The following RNF130 variants were observed in gnomAD, a reference collection of about 807,000 sequenced individuals.
The protein encoded by RNF130 is E3 ubiquitin-protein ligase RNF130.
In RNF130, 21 loss-of-function variants were observed where a neutral mutation model predicts 44.6. The observed-to-expected ratio is 0.47, with a 90% CI of 0.33 to 0.68. The LOEUF (loss-of-function observed/expected upper bound fraction) is 0.68, where lower values mean the gene tolerates loss of function less well. Ranked by LOEUF, RNF130 falls within the 30% of genes least tolerant of loss-of-function variation. RNF130 has a pLI of 0.02. For missense variants in RNF130, 479 were observed against 560.6 expected (o/e 0.85, Z 1.47); for synonymous variants, 214 against 210.4 (o/e 1.02, Z -0.15).
chr5:179,998,888 T>C (rs867365574), intron 3 of RNF130, among the ~76,000 whole-genome samples: 26 of 109,432 alleles, frequency 2.4e-4, no homozygotes, highest in Non-Finnish European at 3.2e-4. Context: ...TATATATGTT[T>C]TATATATCTG....
chr5:179,970,022 G>A (rs1028273981), intron 6 of RNF130, among the ~76,000 whole-genome samples: 3 of 152,106 alleles, frequency 2.0e-5, no homozygotes, highest in Non-Finnish European at 2.9e-5. Flanking sequence ...CAGGCATGGC[G>A]GTGTATGCCT....
chr5:179,930,081 G>C (rs564295215), intron 7 of RNF130, among the ~76,000 whole-genome samples: 2 of 151,848 alleles, frequency 1.3e-5, no homozygotes, highest in African/African-American at 2.4e-5. Context: ...TTTTGAGATG[G>C]AGTCTTACTC....
At chr5:179,990,199 G>T (rs969554356) in intron 3 of RNF130, among the ~76,000 whole-genome samples, 2 of 152,184 alleles carry the variant, frequency 1.3e-5, no homozygotes, top group African/African-American at 4.8e-5. Flanking sequence ...TTATTTATTG[G>T]ATACAAAGTA....
At chr5:179,985,069 C>T (rs1325438456) in intron 3 of RNF130, among the ~76,000 whole-genome samples, 2 of 151,530 alleles carry the variant, frequency 1.3e-5, no homozygotes, top group Non-Finnish European at 2.9e-5. Flanking sequence ...AAGTCATCTC[C>T]TATTAATTTA....
At chr5:180,010,012 C>T (rs1455875702) in intron 3 of RNF130, among the ~76,000 whole-genome samples, 8 of 152,076 alleles carry the variant, frequency 5.3e-5, no homozygotes. Flanking sequence ...CTTTGGGAGG[C>T]TGAGGTGGGC....
intron 1 of RNF130, among the ~76,000 whole-genome samples, chr5:180,043,318 C>A (rs922798835): frequency 1.1e-4 from 16 of 152,176 alleles, no homozygotes; most frequent in African/African-American, 3.6e-4. Context: ...GAGCAAGACT[C>A]TATCTCTAAA....
At chr5:179,937,933 T>TGTGTGTGTGAGA (rs1268947878) in intron 7 of RNF130, among the ~76,000 whole-genome samples, 13 of 116,294 alleles carry the variant, frequency 1.1e-4, no homozygotes, top group East Asian at 4.9e-4. Flanking sequence ...TGTGTGTGTG[T>TGTGTGTGTGAGA]GAGAGAGAGA....
At chr5:180,055,811 GC>G (rs996928442) in intron 1 of RNF130, among the ~76,000 whole-genome samples, 3 of 152,190 alleles carry the variant, frequency 2.0e-5, no homozygotes, top group African/African-American at 7.2e-5. Context: ...TACAACTGGT[GC>G]GTGGCTCATG....
In RNF130 at chr5:180,040,655, G is replaced by T. The variant is rs927138162; in HGVS notation, c.248-8C>A. 6 of 1,605,964 alleles carry T rather than the reference G, an allele frequency of 3.7e-6. No homozygotes were observed. In the Admixed American group the frequency reaches 5.2e-5, roughly 14 times the overall value. On this transcript the variant is annotated splice_polypyrimidine_tract_variant and splice_region_variant and intron_variant, in intron 1 of 8. Coordinates refer to ENST00000521389, the MANE Select transcript of RNF130 (RefSeq NM_018434.6). ...AGCCCAGATGATCAGCAACTGAAAA[G>T]AAAAAGAAATACACACATTAAAGAT...
chr5:180,032,718 AT>A (rs1764157583), intron 2 of RNF130, among the ~76,000 whole-genome samples: 1 of 152,136 alleles, frequency 6.6e-6, no homozygotes, highest in Non-Finnish European at 1.5e-5. Context: ...CAATACCACA[AT>A]GCCTTGATTA....
chr5:179,998,429 G>T (rs1036191745), intron 3 of RNF130, among the ~76,000 whole-genome samples: 7 of 151,882 alleles, frequency 4.6e-5, no homozygotes, highest in African/African-American at 1.7e-4. Flanking sequence ...TTCATTTGTG[G>T]TCAGAAAAGA....
intron 1 of RNF130, among the ~76,000 whole-genome samples, chr5:180,054,541 T>A (rs1245735951): frequency 6.6e-6 from 1 of 152,212 alleles, no homozygotes; most frequent in Non-Finnish European, 1.5e-5. Flanking sequence ...TGGGCACCCT[T>A]CTCAAAAATC....
At chr5:179,938,467 C>T (rs1053569578) in intron 7 of RNF130, among the ~76,000 whole-genome samples, 7 of 151,898 alleles carry the variant, frequency 4.6e-5, no homozygotes, top group Admixed American at 3.9e-4. Flanking sequence ...GTGATGAAAA[C>T]GTTTTGGAGC....
chr5:180,001,153 T>C (rs963759389), intron 3 of RNF130, among the ~76,000 whole-genome samples: 34 of 152,324 alleles, frequency 2.2e-4, no homozygotes, highest in Admixed American at 1.8e-3. Flanking sequence ...GCAATAACCA[T>C]GGGTGCCTCA....
At chr5:180,003,538 T>C (rs1763395297) in intron 3 of RNF130, among the ~76,000 whole-genome samples, 1 of 152,224 alleles carries the variant, frequency 6.6e-6, no homozygotes, top group African/African-American at 2.4e-5. Flanking sequence ...GGCTTCAGTA[T>C]TACTACCTTC....
intron 7 of RNF130, among the ~76,000 whole-genome samples, chr5:179,927,707 G>C (rs1008120176): frequency 8.7e-5 from 13 of 150,072 alleles, no homozygotes; most frequent in African/African-American, 3.2e-4. Context: ...TCCTGCCTCA[G>C]TCTCCTGAGT....
At chr5:179,949,592 T>C (rs935338614) in intron 7 of RNF130, among the ~76,000 whole-genome samples, 55 of 152,228 alleles carry the variant, frequency 3.6e-4, no homozygotes, top group African/African-American at 1.3e-3. Context: ...AAATACCAGA[T>C]TAAATTTTAA....
chr5:179,911,927 G>A (rs1189572971), exon 8 of RNF130: 1 of 152,192 alleles, frequency 6.6e-6, no homozygotes, highest in East Asian at 1.9e-4. Context: ...CTAATCGTCA[G>A]TTTTGCTTCT....
At chr5:179,996,265 T>C (rs1763194481) in intron 3 of RNF130, among the ~76,000 whole-genome samples, 2 of 152,240 alleles carry the variant, frequency 1.3e-5, no homozygotes. Context: ...GAGTTAATTG[T>C]TGGTGTATAT....
Sources: gnomAD v4.1 joint callset for allele counts (sites outside exome capture counted in the v4.1 genomes callset) on GRCh38, gnomAD v4.1.1 for gene constraint, MANE v1.5 for transcripts, NCBI Gene and HGNC (gene_info 2026-07-23, HGNC 2026-07-21) for gene names.